The following ERC1 variants were observed in gnomAD, a reference collection of about 807,000 sequenced individuals.
ERC1 encodes the protein RAB6 interacting protein 2.
Under a neutral mutation model 132.0 loss-of-function variants are expected in ERC1, and 56 were observed. That is an observed-to-expected ratio of 0.42 (90% CI 0.34 to 0.53). The LOEUF (loss-of-function observed/expected upper bound fraction) is 0.53, where lower values mean the gene tolerates loss of function less well. Ranked by LOEUF, ERC1 falls within the 20% of genes least tolerant of loss-of-function variation. The pLI is 0.03. For synonymous variants in ERC1, 478 were observed against 476.1 expected (o/e 1.00, Z -0.05); for missense variants, 1,202 against 1,349.9 (o/e 0.89, Z 1.72).
intron 1 of ERC1, among the ~76,000 whole-genome samples, chr12:996,048 G>C (rs1960776314): frequency 6.6e-6 from 1 of 151,800 alleles, no homozygotes; most frequent in South Asian, 2.1e-4. Flanking sequence ...TGAGATAGAT[G>C]AGACAAATGT....
intron 18 of ERC1, among the ~76,000 whole-genome samples, chr12:1,471,160 C>T (rs1228163569): frequency 6.6e-6 from 1 of 152,174 alleles, no homozygotes; most frequent in Non-Finnish European, 1.5e-5. Context: ...CATGGTGGCA[C>T]ACACCCGTAG....
chr12:1,227,970 T>C (rs1465947363), intron 12 of ERC1, among the ~76,000 whole-genome samples: 2 of 152,250 alleles, frequency 1.3e-5, no homozygotes, highest in African/African-American at 4.8e-5. Context: ...TGTAAATGCA[T>C]GCATTTATTT....
Position 1,371,873 on chromosome 12 carries a change from A to C in ERC1, c.2821A>C (p.Asn941His). Residue 941 changes from asparagine to histidine, a missense_variant, in exon 16 of 19, where the codon AAT (asparagine) becomes CAT (histidine). By Grantham distance (68) the Asn-to-His change is moderately conservative. Coordinates refer to ENST00000360905, the MANE Select transcript of ERC1 (RefSeq NM_178040.4). ...LLAAISEKDA[N>H]IALLELSSSK... ...GGCTGCCATTAGTGAAAAAGACGCC[A>C]ATATAGCTCTCTTGGAGCTTTCGTC... 1 of 1,614,042 alleles carries C rather than the reference A, an allele frequency of 6.2e-7. No homozygotes were observed. The highest frequency in any genetic ancestry group is 8.5e-7 in the Non-Finnish European group (1 of 1,180,008).
At chr12:1,121,345 C>T (rs569207406) in intron 7 of ERC1, among the ~76,000 whole-genome samples, 1 of 152,232 alleles carries the variant, frequency 6.6e-6, no homozygotes, top group South Asian at 2.1e-4. Context: ...TTTCTGACTT[C>T]GCTAATTATG....
chr12:1,168,497 T>G (rs74360061), intron 8 of ERC1, among the ~76,000 whole-genome samples: 144 of 142,216 alleles, frequency 1.0e-3, no homozygotes, highest in Middle Eastern at 3.6e-3. Context: ...TTTTTTTTTT[T>G]TTTGGAGGAG....
At chr12:1,400,914 G>GTTTTTTTTTTTTTTTTTT (rs1566774897) in intron 16 of ERC1, among the ~76,000 whole-genome samples, 1 of 11,120 alleles carries the variant, frequency 9.0e-5, no homozygotes, top group African/African-American at 5.6e-4. Flanking sequence ...GGCTATTTTT[G>GTTTTTTTTTTTTTTTTTT]TATTTTTTTT....
At chr12:1,083,106 G>T in intron 2 of ERC1, 58 bp from the exon 3 acceptor site, 2 of 1,467,878 alleles carry the variant, frequency 1.4e-6, no homozygotes, top group South Asian at 1.3e-5. Context: ...AGGCTGCTCT[G>T]ATTTGCTACT....
chr12:1,019,245 TC>T (rs1199711515), intron 1 of ERC1, among the ~76,000 whole-genome samples: 2 of 152,176 alleles, frequency 1.3e-5, no homozygotes, highest in Admixed American at 1.3e-4. Flanking sequence ...CACCTCAGCC[TC>T]CCAAGTAGTT....
chr12:1,356,182 T>A (rs945138614), intron 15 of ERC1, among the ~76,000 whole-genome samples: 1 of 139,746 alleles, frequency 7.2e-6, no homozygotes, highest in African/African-American at 3.0e-5. Flanking sequence ...CCTGCCTAGG[T>A]GACAAAGTGA....
chr12:1,098,830 A>G (rs1193322108), intron 3 of ERC1, among the ~76,000 whole-genome samples: 1 of 152,220 alleles, frequency 6.6e-6, no homozygotes, highest in Non-Finnish European at 1.5e-5. Context: ...AAGAGTTTAG[A>G]TGGAAAAGAG....
intron 1 of ERC1, chr12:991,808 A>G (rs1470421533): frequency 6.6e-6 from 1 of 152,296 alleles, no homozygotes; most frequent in Non-Finnish European, 1.5e-5. Context: ...GAGTGATGTA[A>G]AATGCTGAAG....
intron 17 of ERC1, among the ~76,000 whole-genome samples, chr12:1,437,754 ATGTTT>A (rs758526045): frequency 1.6e-4 from 25 of 152,300 alleles, no homozygotes; most frequent in Non-Finnish European, 2.9e-4. Context: ...GAAATAAAGG[ATGTTT>A]TGTTTTGTTT....
intron 1 of ERC1, among the ~76,000 whole-genome samples, chr12:998,853 CTTTTTTTTTTTT>C (rs527367596): frequency 9.8e-6 from 1 of 102,466 alleles, no homozygotes; most frequent in Non-Finnish European, 1.9e-5. Flanking sequence ...TTCTCTGTCA[CTTTTTTTTTTTT>C]TTTTTTTTTT....
At chr12:1,081,796 A>C (rs1464068705) in intron 2 of ERC1, among the ~76,000 whole-genome samples, 1 of 152,196 alleles carries the variant, frequency 6.6e-6, no homozygotes, top group Non-Finnish European at 1.5e-5. Flanking sequence ...ACCTGTAGTC[A>C]GCAGTAATGC....
At chr12:995,694 A>G (rs1565737479) in intron 1 of ERC1, among the ~76,000 whole-genome samples, 2 of 152,206 alleles carry the variant, frequency 1.3e-5, no homozygotes, top group Non-Finnish European at 2.9e-5. Flanking sequence ...TGATTCATTC[A>G]CTTATTCATT....
At chr12:1,346,935 C>A (rs1230881672) in intron 15 of ERC1, among the ~76,000 whole-genome samples, 1 of 118,270 alleles carries the variant, frequency 8.5e-6, no homozygotes, top group Admixed American at 8.1e-5. Context: ...GGCGACAGAG[C>A]GAGACTCCGT....
At chr12:1,243,875 A>T (rs1230882984) in intron 13 of ERC1, among the ~76,000 whole-genome samples, 9 of 152,220 alleles carry the variant, frequency 5.9e-5, no homozygotes, top group Non-Finnish European at 8.8e-5. Context: ...GTTACTGTGG[A>T]TGAAGTTTTC....
intron 7 of ERC1, among the ~76,000 whole-genome samples, chr12:1,119,330 A>T (rs972116504): frequency 6.6e-6 from 1 of 151,824 alleles, no homozygotes; most frequent in Non-Finnish European, 1.5e-5. Context: ...AAGGTACAGT[A>T]TATATGGAAT....
intron 17 of ERC1, among the ~76,000 whole-genome samples, chr12:1,414,005 T>C (rs2091981980): frequency 6.6e-6 from 1 of 152,110 alleles, no homozygotes; most frequent in African/African-American, 2.4e-5. Flanking sequence ...TAGATTCTCA[T>C]CAGGAGCGTG....
Sources: allele counts gnomAD v4.1 joint callset (sites outside exome capture counted in the v4.1 genomes callset), GRCh38; gene constraint gnomAD v4.1.1; transcripts MANE v1.5; gene names NCBI Gene and HGNC (gene_info 2026-07-23, HGNC 2026-07-21).